The following NDUFAF2 variants were observed in gnomAD, a reference collection of about 807,000 sequenced individuals.
The protein encoded by NDUFAF2 is NADH dehydrogenase [ubiquinone] 1 alpha subcomplex assembly factor 2.
NDUFAF2 carries 13 observed loss-of-function variants against 22.8 expected under a neutral mutation model. That is an observed-to-expected ratio of 0.57 (90% CI 0.37 to 0.91). The LOEUF is 0.91. NDUFAF2 is among the 40% of genes least tolerant of loss of function. The pLI is 0.01. For missense variants in NDUFAF2, 162 were observed against 195.2 expected, an observed-to-expected ratio of 0.83 and a Z score of 1.01; for synonymous variants, 53 against 64.2, an observed-to-expected ratio of 0.83 and a Z score of 0.84.
At chr5:61,030,833 C>G (rs1030995081) in intron 1 of NDUFAF2, among the ~76,000 whole-genome samples, 21 of 152,194 alleles carry the variant, frequency 1.4e-4, no homozygotes, top group African/African-American at 5.1e-4. Flanking sequence ...TCTTCTGCAG[C>G]AAAAGGCCAA....
intron 1 of NDUFAF2, among the ~76,000 whole-genome samples, chr5:61,067,159 C>T (rs1752238223): frequency 1.3e-5 from 2 of 151,700 alleles, no homozygotes; most frequent in African/African-American, 4.8e-5. Flanking sequence ...CTAGATGTTT[C>T]TTTTTTTTAA....
chr5:61,015,915 C>T (rs902101652), intron 1 of NDUFAF2, among the ~76,000 whole-genome samples: 8 of 151,996 alleles, frequency 5.3e-5, no homozygotes, highest in Admixed American at 1.3e-4. Flanking sequence ...TGGCTGGGTG[C>T]GGTGGCTCAC....
At chr5:61,111,625 G>A in intron 3 of NDUFAF2, among the ~76,000 whole-genome samples, 1 of 151,178 alleles carries the variant, frequency 6.6e-6, no homozygotes, top group East Asian at 2.0e-4. Context: ...TTGTTTTTTT[G>A]TCTTTTTTTT....
At chr5:61,007,231 A>G (rs371132953) in intron 1 of NDUFAF2, among the ~76,000 whole-genome samples, 4 of 151,984 alleles carry the variant, frequency 2.6e-5, no homozygotes, top group African/African-American at 9.6e-5. Flanking sequence ...GTTTTCTTCT[A>G]GGGTTTTTAT....
chr5:61,040,933 G>A (rs1216423225), intron 1 of NDUFAF2, among the ~76,000 whole-genome samples: 2 of 152,124 alleles, frequency 1.3e-5, no homozygotes, highest in African/African-American at 4.8e-5. Context: ...TTAAGTAAAT[G>A]AAATCCCTAA....
chr5:60,949,963 C>T (rs1470997651), intron 1 of NDUFAF2, among the ~76,000 whole-genome samples: 3 of 152,074 alleles, frequency 2.0e-5, no homozygotes, highest in Non-Finnish European at 4.4e-5. Context: ...CCTACTAGTT[C>T]TTGAATGAAG....
At chr5:61,027,429 T>C (rs1269541689) in intron 1 of NDUFAF2, among the ~76,000 whole-genome samples, 1 of 151,976 alleles carries the variant, frequency 6.6e-6, no homozygotes, top group African/African-American at 2.4e-5. Flanking sequence ...CTTCCTATTG[T>C]TTTACTTTCT....
intron 1 of NDUFAF2, among the ~76,000 whole-genome samples, chr5:60,980,812 G>C (rs1750966750): frequency 6.6e-6 from 1 of 151,974 alleles, no homozygotes; most frequent in Non-Finnish European, 1.5e-5. Flanking sequence ...ATGCATCAGA[G>C]TCTATTAACA....
chr5:60,952,214 T>C (rs549128453), intron 1 of NDUFAF2, among the ~76,000 whole-genome samples: 3 of 152,148 alleles, frequency 2.0e-5, no homozygotes, highest in East Asian at 1.9e-4. Flanking sequence ...TCAGAACTTA[T>C]CGCTTTCTCT....
intron 1 of NDUFAF2, among the ~76,000 whole-genome samples, chr5:60,956,871 A>T (rs557547121): frequency 1.3e-5 from 2 of 151,952 alleles, no homozygotes; most frequent in South Asian, 2.1e-4. Flanking sequence ...TTTATATTTT[A>T]TTTTTTTTAG....
intron 1 of NDUFAF2, among the ~76,000 whole-genome samples, chr5:60,993,358 T>C (rs1437975230): frequency 6.6e-6 from 1 of 152,214 alleles, no homozygotes; most frequent in Non-Finnish European, 1.5e-5. Context: ...GTTGCAGCTC[T>C]TCTGTTCACC....
At chr5:60,975,170 T>G (rs1049892790) in intron 1 of NDUFAF2, among the ~76,000 whole-genome samples, 20 of 152,196 alleles carry the variant, frequency 1.3e-4, no homozygotes, top group African/African-American at 4.8e-4. Context: ...GCATGAGTTT[T>G]ATTTGTTCTT....
At chr5:61,037,147 A>G (rs537510609) in intron 1 of NDUFAF2, among the ~76,000 whole-genome samples, 1 of 152,312 alleles carries the variant, frequency 6.6e-6, no homozygotes, top group African/African-American at 2.4e-5. Context: ...ATTTAAAGAT[A>G]AGTCTCTGGA....
At chr5:61,044,518 A>G (rs1005065707) in intron 1 of NDUFAF2, among the ~76,000 whole-genome samples, 4 of 152,108 alleles carry the variant, frequency 2.6e-5, no homozygotes, top group Non-Finnish European at 5.9e-5. Context: ...TGACTTTTGT[A>G]TATGGTGTGT....
chr5:61,135,131 A>AT (rs1164628522), intron 3 of NDUFAF2, among the ~76,000 whole-genome samples: 2 of 128,700 alleles, frequency 1.6e-5, no homozygotes, highest in Non-Finnish European at 3.3e-5. Context: ...CTAATGACAT[A>AT]TTTTTTCTGA....
rs983229117 is a variant in NDUFAF2 at position 60,952,574 on chromosome 5, T to A, written c.127+7192T>A. Among the ~76,000 whole-genome samples the A allele has an allele frequency of 4.9e-4, 74 of 152,132 alleles. 1 individual carries two copies. Among genetic ancestry groups the A allele is most frequent in the Admixed American group, 4.8e-3 (74 of 15,278 alleles). The stretch of plus-strand genomic sequence containing the variant: ...TTTATATGATTTCAGTTATTTTAAA[T>A]GTATTGTAAATTGTTTTATGGCCTA... On this transcript the variant is annotated intron_variant, in intron 1 of 3. Coordinates refer to ENST00000296597, the MANE Select transcript of NDUFAF2 (RefSeq NM_174889.5).
chr5:61,119,190 T>A (rs914855187), intron 3 of NDUFAF2, among the ~76,000 whole-genome samples: 1 of 152,310 alleles, frequency 6.6e-6, no homozygotes, highest in South Asian at 2.1e-4. Context: ...ATCAGTATAG[T>A]TTAGTTCTTG....
chr5:61,116,960 G>GA (rs979174312), intron 3 of NDUFAF2, among the ~76,000 whole-genome samples: 2 of 152,062 alleles, frequency 1.3e-5, no homozygotes, highest in African/African-American at 4.8e-5. Context: ...TTTATTTGCG[G>GA]AAAAAACTTG....
chr5:60,949,957 C>G lies in NDUFAF2; in HGVS notation c.127+4575C>G, dbSNP rs6449514. 4.1e-3 allele frequency among the ~76,000 whole-genome samples: 617 copies of G among 152,282 alleles called. 8 individuals are homozygous for G. Among genetic ancestry groups the G allele is most frequent in the African/African-American group, 0.014 (582 of 41,560 alleles). Reference sequence around the variant, plus strand: ...TCTTGCAACCTGTTTTACTCACCTACTAGTTCTTGAATGAAGCCTTTTGCA... The same window carrying G: ...TCTTGCAACCTGTTTTACTCACCTAGTAGTTCTTGAATGAAGCCTTTTGCA... On this transcript the variant is annotated intron_variant, in intron 1 of 3. Coordinates refer to ENST00000296597, the MANE Select transcript of NDUFAF2 (RefSeq NM_174889.5).
Sources: allele counts gnomAD v4.1 joint callset (sites outside exome capture counted in the v4.1 genomes callset), GRCh38; gene constraint gnomAD v4.1.1; transcripts MANE v1.5; gene names NCBI Gene and HGNC (gene_info 2026-07-23, HGNC 2026-07-21).